The following GALNTL6 variants were observed in gnomAD, a reference collection of about 807,000 sequenced individuals.
GALNTL6 encodes polypeptide N-acetylgalactosaminyltransferase like 6, also known as polypeptide N-acetylgalactosaminyltransferase-like 6.
Under a neutral mutation model 73.7 loss-of-function variants are expected in GALNTL6, and 46 were observed. The observed-to-expected ratio is 0.62, with a 90% confidence interval of 0.49 to 0.80. The LOEUF (loss-of-function observed/expected upper bound fraction) is 0.80. Ranked by LOEUF, GALNTL6 falls within the 30% of genes least tolerant of loss-of-function variation. The probability of loss-of-function intolerance (pLI) is 0.00; values close to 1 mark genes in which losing one functional copy is unlikely to be tolerated. For missense variants in GALNTL6, 604 were observed against 755.0 expected, an observed-to-expected ratio of 0.80 and a Z score of 2.34; for synonymous variants, 259 against 263.7, an observed-to-expected ratio of 0.98 and a Z score of 0.17.
intron 7 of GALNTL6, among the ~76,000 whole-genome samples, chr4:172,846,549 A>AT (rs370233535): frequency 6.6e-6 from 1 of 152,086 alleles, no homozygotes; most frequent in Non-Finnish European, 1.5e-5. Flanking sequence ...ATAGCAATAG[A>AT]TTTTTTTGTA....
intron 5 of GALNTL6, among the ~76,000 whole-genome samples, chr4:172,356,117 G>A (rs1213392497): frequency 6.6e-6 from 1 of 152,090 alleles, no homozygotes; most frequent in Non-Finnish European, 1.5e-5. Flanking sequence ...AAGCAAAACT[G>A]TTACAGCTCA....
chr4:172,033,511 A>C (rs1741833730), intron 2 of GALNTL6, among the ~76,000 whole-genome samples: 1 of 152,126 alleles, frequency 6.6e-6, no homozygotes, highest in Non-Finnish European at 1.5e-5. Context: ...ATGAAGATCC[A>C]CAGAGCCATT....
intron 8 of GALNTL6, among the ~76,000 whole-genome samples, chr4:172,929,991 C>G (rs1340671859): frequency 6.6e-6 from 1 of 152,106 alleles, no homozygotes; most frequent in Non-Finnish European, 1.5e-5. Context: ...AGTACAGCAT[C>G]TAGGGCCAGG....
intron 12 of GALNTL6, among the ~76,000 whole-genome samples, chr4:173,036,573 A>G (rs1718659072): frequency 6.6e-6 from 1 of 152,202 alleles, no homozygotes; most frequent in African/African-American, 2.4e-5. Flanking sequence ...AAGGATTTCT[A>G]ATTTTCTCAG....
At chr4:172,014,414 T>C (rs553151278) in intron 2 of GALNTL6, among the ~76,000 whole-genome samples, 4 of 152,200 alleles carry the variant, frequency 2.6e-5, no homozygotes, top group African/African-American at 9.6e-5. Flanking sequence ...AAAGGACATT[T>C]TAACTGGGGT....
chr4:172,873,040 A>G (rs1299364445), intron 7 of GALNTL6, among the ~76,000 whole-genome samples: 2 of 152,192 alleles, frequency 1.3e-5, no homozygotes, highest in Non-Finnish European at 2.9e-5. Context: ...TGCATGTATT[A>G]TTCTCCTGAT....
At chr4:172,852,703 T>C (rs1174422999) in intron 7 of GALNTL6, among the ~76,000 whole-genome samples, 1 of 152,074 alleles carries the variant, frequency 6.6e-6, no homozygotes, top group Non-Finnish European at 1.5e-5. Context: ...TTTATATACA[T>C]AGGACTATTA....
At chr4:172,426,530 G>A (rs1731234415) in intron 5 of GALNTL6, among the ~76,000 whole-genome samples, 1 of 152,040 alleles carries the variant, frequency 6.6e-6, no homozygotes, top group Non-Finnish European at 1.5e-5. Context: ...TTATTATGGA[G>A]GAAAAGTAAA....
At chr4:171,821,234 G>A (rs1214397349) in intron 2 of GALNTL6, among the ~76,000 whole-genome samples, 2 of 151,966 alleles carry the variant, frequency 1.3e-5, no homozygotes, top group African/African-American at 4.8e-5. Context: ...TAGCGACAAG[G>A]TCTCACTATG....
chr4:171,939,657 A>T (rs1384645916), intron 2 of GALNTL6, among the ~76,000 whole-genome samples: 1 of 152,094 alleles, frequency 6.6e-6, no homozygotes, highest in Non-Finnish European at 1.5e-5. Flanking sequence ...GGACTATAGA[A>T]CAATACGTTT....
intron 2 of GALNTL6, among the ~76,000 whole-genome samples, chr4:172,219,680 G>T (rs375635349): frequency 1.3e-5 from 2 of 151,802 alleles, no homozygotes; most frequent in African/African-American, 4.8e-5. Flanking sequence ...TGAAAGTCAC[G>T]GTCCAAGACC....
At chr4:172,422,155 G>C (rs1446435309) in intron 5 of GALNTL6, among the ~76,000 whole-genome samples, 2 of 152,030 alleles carry the variant, frequency 1.3e-5, no homozygotes, top group Non-Finnish European at 2.9e-5. Context: ...ACTAGCTGTG[G>C]CTTCATTCCT....
intron 5 of GALNTL6, among the ~76,000 whole-genome samples, chr4:172,437,830 T>C (rs1431165050): frequency 6.6e-6 from 1 of 152,076 alleles, no homozygotes; most frequent in Non-Finnish European, 1.5e-5. Flanking sequence ...TGATTGACCG[T>C]CTGAGTCCCA....
chr4:172,425,985 G>A (rs1412650723), intron 5 of GALNTL6, among the ~76,000 whole-genome samples: 2 of 152,042 alleles, frequency 1.3e-5, no homozygotes, highest in African/African-American at 2.4e-5. Context: ...TTGTCTTTTA[G>A]TTATTGAATA....
At chr4:173,021,428 C>A in intron 11 of GALNTL6, 48 bp from the exon 12 acceptor site, 1 of 1,603,978 alleles carries the variant, frequency 6.2e-7, no homozygotes, top group South Asian at 1.1e-5. Context: ...TGCATCTTCT[C>A]TCCAAAACAA....
intron 2 of GALNTL6, among the ~76,000 whole-genome samples, chr4:171,946,788 G>A (rs1738714546): frequency 6.6e-6 from 1 of 151,988 alleles, no homozygotes; most frequent in Non-Finnish European, 1.5e-5. Flanking sequence ...ACAAAGTCCT[G>A]GAGGAAAAGG....
At chr4:172,882,254 A>C (rs372417360) in intron 7 of GALNTL6, among the ~76,000 whole-genome samples, 2 of 152,200 alleles carry the variant, frequency 1.3e-5, no homozygotes, top group South Asian at 4.1e-4. Context: ...CACATTAAAC[A>C]ACTAATTCTG....
At chr4:172,632,637 G>A (rs1342612861) in intron 5 of GALNTL6, among the ~76,000 whole-genome samples, 1 of 152,178 alleles carries the variant, frequency 6.6e-6, no homozygotes, top group Non-Finnish European at 1.5e-5. Flanking sequence ...CATTTTCTGA[G>A]TAGAAATTCA....
At chr4:172,961,263 C>T (rs574333312) in intron 10 of GALNTL6, among the ~76,000 whole-genome samples, 36 of 110,266 alleles carry the variant, frequency 3.3e-4, no homozygotes, top group African/African-American at 6.2e-4. Context: ...ACCAGAAAAG[C>T]GGAGAAGGGG....
Sources: gnomAD v4.1 joint callset for allele counts (sites outside exome capture counted in the v4.1 genomes callset) on GRCh38, gnomAD v4.1.1 for gene constraint, MANE v1.5 for transcripts, NCBI Gene and HGNC (gene_info 2026-07-23, HGNC 2026-07-21) for gene names.